Variants in LMBR1 observed in about 807,000 individuals in gnomAD.
LMBR1 encodes the protein limb region 1 protein homolog.
LMBR1 carries 52 observed loss-of-function variants against 73.9 expected under a neutral mutation model. The ratio of observed to expected loss-of-function variants is 0.70; its 90% confidence interval spans 0.56 to 0.89. The LOEUF (loss-of-function observed/expected upper bound fraction) is 0.89, where lower values mean the gene tolerates loss of function less well. Ranked by LOEUF, LMBR1 falls within the 40% of genes least tolerant of loss-of-function variation. The pLI, the probability that LMBR1 is intolerant of heterozygous loss-of-function variation, is 0.00. For synonymous variants in LMBR1, 215 were observed against 209.4 expected, an observed-to-expected ratio of 1.03 and a Z score of -0.23; for missense variants, 539 against 579.8, an observed-to-expected ratio of 0.93 and a Z score of 0.72.
chr7:156,683,048 G>A lies in LMBR1; in HGVS notation c.*1030C>T, dbSNP rs1261692216. 4 of 152,196 alleles carry A rather than the reference G, an allele frequency of 2.6e-5. 1 individual carries two copies. Among genetic ancestry groups the A allele is most frequent in the Admixed American group, 2.6e-4 (4 of 15,274 alleles). The allele number at this position is 152,196 out of a possible 1,614,324, so 9.4% of individuals were successfully genotyped here. Reference sequence around the variant, plus strand: ...TCAGATCGTGTTATACTGCAAAACTGTTCTTACACCATGAATGCTGATGCT... The same window carrying A: ...TCAGATCGTGTTATACTGCAAAACTATTCTTACACCATGAATGCTGATGCT... On this transcript the variant is annotated 3_prime_UTR_variant, in exon 17 of 17. Coordinates refer to ENST00000353442, the MANE Select transcript of LMBR1 (RefSeq NM_022458.4).
Position 156,826,796 on chromosome 7 carries a change from C to T in LMBR1, c.180-52G>A, listed in dbSNP as rs373572863. 1.4e-5 allele frequency: 21 copies of T among 1,501,946 alleles called. No homozygotes were observed. The highest frequency in any genetic ancestry group is 6.8e-5 in the South Asian group (5 of 73,742). 93.0% of individuals were successfully genotyped at this position (1,501,946 alleles called of 1,614,324 possible). On this transcript the variant is annotated intron_variant, in intron 3 of 16. Coordinates refer to ENST00000353442, the MANE Select transcript of LMBR1 (RefSeq NM_022458.4). ...AAGTGATCTGAAAAAGCAATGAACACGAAAGTCATCAAAAAGAATGCAAAC... is the reference window on the plus strand; with the variant it reads ...AAGTGATCTGAAAAAGCAATGAACATGAAAGTCATCAAAAAGAATGCAAAC...
At chr7:156,760,570 CA>C (rs1401091673) in intron 8 of LMBR1, among the ~76,000 whole-genome samples, 1 of 136,702 alleles carries the variant, frequency 7.3e-6, no homozygotes, top group Non-Finnish European at 1.6e-5. Context: ...AACAAACAAA[CA>C]AACAACAACA....
rs147286451 is a variant in LMBR1 at position 156,752,640 on chromosome 7, C to T, written c.757+3753G>A. Reference sequence around the variant, plus strand: ...TGTGAAAATTCTCTTATGATTGCTTCTGTTTTCTTAAGAAAATAGAAAACA... The same window carrying T: ...TGTGAAAATTCTCTTATGATTGCTTTTGTTTTCTTAAGAAAATAGAAAACA... On this transcript the variant is annotated intron_variant, in intron 9 of 16. Transcript: ENST00000353442. 6.6e-4 allele frequency among the ~76,000 whole-genome samples: 100 copies of T among 152,282 alleles called. No homozygotes were observed. In the East Asian group the frequency reaches 0.018, roughly 28 times the overall value.
intron 9 of LMBR1, among the ~76,000 whole-genome samples, chr7:156,735,419 T>C (rs1817665304): frequency 6.6e-6 from 1 of 152,036 alleles, no homozygotes; most frequent in Non-Finnish European, 1.5e-5. Flanking sequence ...TCCCTATTCC[T>C]GTTTTCTGCT....
chr7:156,753,192 GA>G (rs1821218226), intron 9 of LMBR1, among the ~76,000 whole-genome samples: 1 of 152,020 alleles, frequency 6.6e-6, no homozygotes, highest in African/African-American at 2.4e-5. Flanking sequence ...GAGTGTCCTG[GA>G]GTGATGGGAA....
At position 156,767,891 on chromosome 7, in the gene LMBR1, AT is replaced by A. The variant is rs80031296; in HGVS notation, c.424-4097del. 1.2e-4 allele frequency among the ~76,000 whole-genome samples: 18 copies of A among 152,290 alleles called. No homozygotes were observed. In the East Asian group the frequency reaches 2.5e-3, roughly 21 times the overall value. On this transcript the variant is annotated intron_variant, in intron 5 of 16. Transcript: ENST00000353442. The stretch of plus-strand genomic sequence containing the variant: ...AAAAAAGTGAAAATGATTAAAAATT[AT>A]TGTTTAATTTTTTAAAAATGTACAG...
Position 156,707,144 on chromosome 7 carries a change from A to G in LMBR1, c.1225+16968T>C, listed in dbSNP as rs546219900. Among the ~76,000 whole-genome samples the G allele has an allele frequency of 2.0e-5, 3 of 152,326 alleles. No homozygotes were observed. In the South Asian group the frequency reaches 6.2e-4, roughly 32 times the overall value. On this transcript the variant is annotated intron_variant, in intron 15 of 16. Coordinates refer to ENST00000353442, the MANE Select transcript of LMBR1 (RefSeq NM_022458.4). The stretch of plus-strand genomic sequence containing the variant: ...AATAGAAAACCTAGAGGAAATGGAT[A>G]AATTACTGGCTAGAAACATACAACC...
At chr7:156,705,501 G>A (rs1467044622) in intron 15 of LMBR1, among the ~76,000 whole-genome samples, 2 of 152,214 alleles carry the variant, frequency 1.3e-5, no homozygotes, top group South Asian at 4.1e-4. Flanking sequence ...AGAGGTTGCA[G>A]TGAGCTGTGA....
intron 5 of LMBR1, among the ~76,000 whole-genome samples, chr7:156,777,685 A>G (rs1054215640): frequency 6.6e-6 from 1 of 152,342 alleles, no homozygotes; most frequent in East Asian, 1.9e-4. Context: ...TCCAAATCTT[A>G]CTGCTGTGGC....
intron 9 of LMBR1, among the ~76,000 whole-genome samples, chr7:156,749,228 A>C (rs1820394079): frequency 6.6e-6 from 1 of 152,216 alleles, no homozygotes; most frequent in Admixed American, 6.5e-5. Flanking sequence ...GAGAAAGCCA[A>C]GATGAAAGTA....
intron 1 of LMBR1, among the ~76,000 whole-genome samples, chr7:156,843,226 T>C (rs1013454884): frequency 1.3e-5 from 2 of 152,146 alleles, no homozygotes; most frequent in Admixed American, 6.5e-5. Flanking sequence ...AAGCTCTTCA[T>C]AGGTAACATC....
intron 9 of LMBR1, among the ~76,000 whole-genome samples, chr7:156,744,231 C>T (rs1400784541): frequency 6.6e-6 from 1 of 152,142 alleles, no homozygotes; most frequent in Admixed American, 6.5e-5. Context: ...TTTATTCCTC[C>T]CTTACAACTA....
intron 15 of LMBR1, among the ~76,000 whole-genome samples, chr7:156,691,567 T>G (rs138122533): frequency 1.4e-3 from 213 of 152,312 alleles, no homozygotes; most frequent in African/African-American, 4.8e-3. Context: ...CTTATTCATC[T>G]TCCTAAAGCA....
At chr7:156,686,721 A>G (rs919856794) in intron 16 of LMBR1, among the ~76,000 whole-genome samples, 2 of 152,254 alleles carry the variant, frequency 1.3e-5, no homozygotes, top group Non-Finnish European at 2.9e-5. Context: ...ACCTAATTCA[A>G]AAGCTAAAGT....
intron 15 of LMBR1, among the ~76,000 whole-genome samples, chr7:156,701,104 C>T (rs1809582839): frequency 1.3e-5 from 2 of 152,180 alleles, no homozygotes; most frequent in East Asian, 3.9e-4. Flanking sequence ...CAGACCCCTC[C>T]CACAACATGT....
At chr7:156,748,491 T>A (rs1253379873) in intron 9 of LMBR1, among the ~76,000 whole-genome samples, 2 of 151,408 alleles carry the variant, frequency 1.3e-5, no homozygotes, top group Non-Finnish European at 2.9e-5. Flanking sequence ...CAAATTTGGA[T>A]TTTTTTTTCT....
chr7:156,771,209 G>T (rs1041140265), intron 5 of LMBR1, among the ~76,000 whole-genome samples: 4 of 151,950 alleles, frequency 2.6e-5, no homozygotes, highest in African/African-American at 7.2e-5. Context: ...GCTACCAGAA[G>T]ACAAGAAATA....
intron 1 of LMBR1, among the ~76,000 whole-genome samples, chr7:156,843,072 G>C (rs140158155): frequency 4.6e-5 from 7 of 152,284 alleles, no homozygotes; most frequent in Middle Eastern, 3.4e-3. Context: ...TTTTTGCTGA[G>C]CTCTATGCAG....
intron 10 of LMBR1, among the ~76,000 whole-genome samples, chr7:156,732,712 G>A (rs1389897876): frequency 6.6e-6 from 1 of 152,210 alleles, no homozygotes; most frequent in East Asian, 1.9e-4. Context: ...GGTCTTGCCT[G>A]AGCAGTGGGG....
Sources: allele counts gnomAD v4.1 joint callset (sites outside exome capture counted in the v4.1 genomes callset), GRCh38; gene constraint gnomAD v4.1.1; transcripts MANE v1.5; gene names NCBI Gene and HGNC (gene_info 2026-07-23, HGNC 2026-07-21).